The following CACNG2 variants were observed in gnomAD, a reference collection of about 807,000 sequenced individuals.
CACNG2 encodes the protein voltage-dependent calcium channel gamma-2 subunit.
A neutral mutation model predicts 25.9 loss-of-function variants in CACNG2; 3 were observed. The ratio of observed to expected loss-of-function variants is 0.12; its 90% confidence interval spans 0.05 to 0.30. CACNG2 has a LOEUF of 0.30. CACNG2 is among the 10% of genes least tolerant of loss of function. The pLI is 1.00. For synonymous variants in CACNG2, 167 were observed against 173.3 expected, an observed-to-expected ratio of 0.96 and a Z score of 0.29; for missense variants, 341 against 432.5, an observed-to-expected ratio of 0.79 and a Z score of 1.88.
At chr22:36,620,321 C>T (rs1421120181) in intron 1 of CACNG2, among the ~76,000 whole-genome samples, 4 of 152,178 alleles carry the variant, frequency 2.6e-5, no homozygotes, top group Admixed American at 2.6e-4. Flanking sequence ...GCAGATGGTC[C>T]TCTGGGATGC....
chr22:36,689,726 C>T (rs1346920904), intron 1 of CACNG2, among the ~76,000 whole-genome samples: 1 of 152,244 alleles, frequency 6.6e-6, no homozygotes, highest in Non-Finnish European at 1.5e-5. Context: ...CTGCAGCCAG[C>T]ACCAACAGCG....
At chr22:36,570,406 C>A (rs554497041) in intron 2 of CACNG2, among the ~76,000 whole-genome samples, 1 of 152,160 alleles carries the variant, frequency 6.6e-6, no homozygotes. Context: ...GAAGCCTCTT[C>A]GGCACAGAAG....
At chr22:36,619,869 A>G (rs2267352) in intron 1 of CACNG2, among the ~76,000 whole-genome samples, 13,353 of 152,322 alleles carry the variant, frequency 0.088, 808 homozygotes, top group East Asian at 0.23. Flanking sequence ...TTGGACATAC[A>G]TGCCACTCTC....
chr22:36,647,441 C>T (rs6000363), intron 1 of CACNG2, among the ~76,000 whole-genome samples: 20,829 of 151,976 alleles, frequency 0.14, 3,836 homozygotes, highest in African/African-American at 0.42. Context: ...ACTAAAAATA[C>T]GAAAATTAGA....
At chr22:36,621,353 C>G (rs2145949550) in intron 1 of CACNG2, among the ~76,000 whole-genome samples, 1 of 152,208 alleles carries the variant, frequency 6.6e-6, no homozygotes, top group Middle Eastern at 3.4e-3. Context: ...ACTAAAAATA[C>G]AAAAATTTGA....
At chr22:36,651,273 G>A (rs1293665106) in intron 1 of CACNG2, among the ~76,000 whole-genome samples, 2 of 122,192 alleles carry the variant, frequency 1.6e-5, no homozygotes, top group African/African-American at 6.2e-5. Flanking sequence ...CTGTTGCCCA[G>A]GCTGGAGTGT....
intron 1 of CACNG2, among the ~76,000 whole-genome samples, chr22:36,656,855 A>G (rs1408262276): frequency 6.6e-6 from 1 of 152,182 alleles, no homozygotes; most frequent in African/African-American, 2.4e-5. Flanking sequence ...TTCCTGGCCA[A>G]CGCTCTCTGG....
intron 1 of CACNG2, among the ~76,000 whole-genome samples, chr22:36,622,875 C>T (rs1603501882): frequency 6.6e-6 from 1 of 151,424 alleles, no homozygotes; most frequent in South Asian, 2.1e-4. Context: ...ACGAGAATCG[C>T]TTGAACCCGG....
intron 1 of CACNG2, among the ~76,000 whole-genome samples, chr22:36,635,528 G>A (rs931807907): frequency 2.0e-5 from 3 of 152,092 alleles, no homozygotes; most frequent in African/African-American, 7.2e-5. Context: ...AGTGGGAGAA[G>A]GCTTAAGTAA....
intron 2 of CACNG2, among the ~76,000 whole-genome samples, chr22:36,571,899 A>G (rs1314817543): frequency 6.6e-6 from 1 of 151,660 alleles, no homozygotes; most frequent in African/African-American, 2.4e-5. Flanking sequence ...AAAAAAAAAA[A>G]GAATTAAATT....
Position 36,612,714 on chromosome 22 carries a change from A to G in CACNG2, c.212-25166T>C, listed in dbSNP as rs562140273. Among the ~76,000 whole-genome samples, 78 of 152,238 alleles carry G rather than the reference A, an allele frequency of 5.1e-4. 1 individual carries two copies. The highest frequency in any genetic ancestry group is 1.8e-3 in the African/African-American group (74 of 41,506). On this transcript the variant is annotated intron_variant, in intron 1 of 3. Transcript: ENST00000300105. Reference sequence around the variant, plus strand: ...AAGAATGTGCTTCCCACGCTCCTCAATCCTCACTTTCCCAAACATACCCCC... The same window carrying G: ...AAGAATGTGCTTCCCACGCTCCTCAGTCCTCACTTTCCCAAACATACCCCC...
intron 1 of CACNG2, among the ~76,000 whole-genome samples, chr22:36,607,209 A>T (rs1935851786): frequency 6.6e-6 from 1 of 151,938 alleles, no homozygotes; most frequent in South Asian, 2.1e-4. Flanking sequence ...GGCAAAATAT[A>T]CCTTAATTTT....
intron 1 of CACNG2, among the ~76,000 whole-genome samples, chr22:36,609,806 TC>T (rs1235266524): frequency 1.6e-5 from 2 of 124,320 alleles, no homozygotes; most frequent in Admixed American, 8.2e-5. Flanking sequence ...CAGGAATCAG[TC>T]CCCCAGAGCA....
At chr22:36,661,706 G>A (rs1331522977) in intron 1 of CACNG2, among the ~76,000 whole-genome samples, 1 of 152,172 alleles carries the variant, frequency 6.6e-6, no homozygotes, top group Non-Finnish European at 1.5e-5. Flanking sequence ...TAGCTGTGGG[G>A]GGACCTTGTC....
At chr22:36,625,364 C>T (rs551359341) in intron 1 of CACNG2, among the ~76,000 whole-genome samples, 2 of 152,266 alleles carry the variant, frequency 1.3e-5, no homozygotes, top group Admixed American at 1.3e-4. Flanking sequence ...ATTTGGTGAT[C>T]ACATTCTGCC....
chr22:36,563,312 T>G lies in CACNG2; in HGVS notation c.*1039A>C, dbSNP rs1022480591. On this transcript the variant is annotated 3_prime_UTR_variant, in exon 4 of 4. Coordinates refer to ENST00000300105, the MANE Select transcript of CACNG2 (RefSeq NM_006078.5). ...CAGGGGGTCCACCATCGCCCCAGGG[T>G]CATCAGGTGGCCCTGAGGTGAGGGG... Among the ~76,000 whole-genome samples the G allele has an allele frequency of 1.3e-5, 2 of 151,114 alleles. No individual in the cohort carries two copies. The highest frequency in any genetic ancestry group is 4.9e-5 in the African/African-American group (2 of 41,100).
chr22:36,687,350 A>C (rs561919911), intron 1 of CACNG2, among the ~76,000 whole-genome samples: 1 of 152,334 alleles, frequency 6.6e-6, no homozygotes, highest in East Asian at 1.9e-4. Flanking sequence ...ATCTTTCTTG[A>C]TATAATCTCT....
At chr22:36,579,996 C>T (rs779734455) in intron 2 of CACNG2, among the ~76,000 whole-genome samples, 33 of 152,208 alleles carry the variant, frequency 2.2e-4, no homozygotes, top group African/African-American at 8.0e-4. Context: ...TCGTGGCAAT[C>T]GCTCTGCAAT....
chr22:36,615,555 C>G (rs989553033), intron 1 of CACNG2, among the ~76,000 whole-genome samples: 2 of 152,218 alleles, frequency 1.3e-5, no homozygotes, highest in African/African-American at 4.8e-5. Context: ...AATGATATGA[C>G]CATCATTCTC....
Sources: gnomAD v4.1 joint callset for allele counts (sites outside exome capture counted in the v4.1 genomes callset) on GRCh38, gnomAD v4.1.1 for gene constraint, MANE v1.5 for transcripts, NCBI Gene and HGNC (gene_info 2026-07-23, HGNC 2026-07-21) for gene names.